MAP3K14: variants seen among roughly 807,000 people sequenced by gnomAD.
The protein encoded by MAP3K14 is NF-kappa-beta-inducing kinase.
MAP3K14 carries 16 observed loss-of-function variants against 99.2 expected under a neutral mutation model. The observed-to-expected ratio is 0.16, with a 90% CI of 0.11 to 0.24. MAP3K14 has a LOEUF of 0.24. MAP3K14 is among the 10% of genes least tolerant of loss of function. MAP3K14 has a pLI of 1.00. For synonymous variants in MAP3K14, 462 were observed against 492.4 expected, an observed-to-expected ratio of 0.94 and a Z score of 0.82; for missense variants, 784 against 1,208.7, an observed-to-expected ratio of 0.65 and a Z score of 5.21.
At position 45,273,754 on chromosome 17, in the gene MAP3K14, C is replaced by T. The variant is rs753782232; in HGVS notation, c.1553-147G>A. The T allele has an allele frequency of 2.8e-5, 20 of 717,812 alleles. No homozygotes were observed. The Admixed American group carries it at 3.0e-4, about 11-fold the overall frequency. The allele number at this position is 717,812 out of a possible 1,614,324, so 44.5% of individuals were successfully genotyped here. A position where few individuals can be genotyped will look rare whatever the true frequency, so the allele number is the denominator to read the frequency against. On this transcript the variant is annotated intron_variant, in intron 8 of 15. Transcript: ENST00000344686. ...GCTGCTTCTGATTAGTTTCATTAATCGTGGAGGAAGGGAGGAGGGTATCAA... is the reference window on the plus strand; with the variant it reads ...GCTGCTTCTGATTAGTTTCATTAATTGTGGAGGAAGGGAGGAGGGTATCAA...
At chr17:45,270,614 AC>A (rs35679568) in intron 10 of MAP3K14, 51 bp from the exon 11 acceptor site, 1 of 1,496,182 alleles carries the variant, frequency 6.7e-7, no homozygotes, top group Non-Finnish European at 8.9e-7. Context: ...ATTTCCTGAT[AC>A]CCGGCTGTTA....
At chr17:45,283,652 G>C (rs966706656) in intron 6 of MAP3K14, among the ~76,000 whole-genome samples, 1 of 152,206 alleles carries the variant, frequency 6.6e-6, no homozygotes, top group Non-Finnish European at 1.5e-5. Flanking sequence ...TCCTGTGTCA[G>C]GTTGGTGCTC....
At chr17:45,273,422 T>G in intron 9 of MAP3K14, 81 bp downstream of exon 9, 2 of 1,108,722 alleles carry the variant, frequency 1.8e-6, no homozygotes, top group South Asian at 2.8e-5. Flanking sequence ...TGTTCACACC[T>G]CAATTCCCAT....
In MAP3K14 at chr17:45,267,789, G is replaced by A; in HGVS notation, c.1973-30C>T. The A allele has an allele frequency of 6.3e-7, 1 of 1,575,166 alleles. No individual in the cohort carries two copies. The highest frequency in any genetic ancestry group is 1.1e-5 in the South Asian group (1 of 89,626). ...AAAACAGAGAGTACAATGGTGAGGG[G>A]AAGCGTGCTGTGCACAGACAGCGGT... On this transcript the variant is annotated intron_variant, in intron 11 of 15. Coordinates refer to ENST00000344686, the MANE Select transcript of MAP3K14 (RefSeq NM_003954.5). The surrounding 1 kb of genome is among the most constrained non-coding windows in gnomAD (Gnocchi z 5.1).
intron 1 of MAP3K14, among the ~76,000 whole-genome samples, chr17:45,313,936 G>T (rs1283521727): frequency 1.3e-5 from 2 of 152,124 alleles, no homozygotes; most frequent in African/African-American, 4.8e-5. Flanking sequence ...TCTGATCTTT[G>T]TCCCTGCCCT....
At chr17:45,290,127 G>C (rs993288159) in intron 2 of MAP3K14, among the ~76,000 whole-genome samples, 1 of 152,180 alleles carries the variant, frequency 6.6e-6, no homozygotes, top group African/African-American at 2.4e-5. Flanking sequence ...GCCCCAGTGG[G>C]GCTTTCCAGG....
intron 9 of MAP3K14, among the ~76,000 whole-genome samples, chr17:45,271,684 G>A (rs1423157996): frequency 6.6e-6 from 1 of 152,190 alleles, no homozygotes; most frequent in East Asian, 1.9e-4. Context: ...AAGTCTCCAA[G>A]TCAGACTTGT....
intron 1 of MAP3K14, among the ~76,000 whole-genome samples, chr17:45,307,391 A>G (rs1428224922): frequency 6.6e-6 from 1 of 152,196 alleles, no homozygotes; most frequent in African/African-American, 2.4e-5. Flanking sequence ...GCCACTTAAC[A>G]TGACCAATTT....
At chr17:45,273,662 C>T in intron 8 of MAP3K14, 55 bp from the exon 9 acceptor site, 1 of 1,403,002 alleles carries the variant, frequency 7.1e-7, no homozygotes, top group Non-Finnish European at 1.0e-6. Context: ...CGGGTCCCAG[C>T]CCACCCTGGC....
chr17:45,312,148 T>C (rs1489667898), intron 1 of MAP3K14, among the ~76,000 whole-genome samples: 3 of 152,212 alleles, frequency 2.0e-5, no homozygotes, highest in Non-Finnish European at 4.4e-5. Flanking sequence ...CACCCCTGCA[T>C]GGGTGACTCA....
Position 45,264,536 on chromosome 17 carries a change from C to G in MAP3K14, c.*100G>C. 7.2e-7 allele frequency: 1 copy of G among 1,395,614 alleles called. No homozygotes were observed. The allele number at this position is 1,395,614 out of a possible 1,614,324, so 86.5% of individuals were successfully genotyped here. A position where few individuals can be genotyped will look rare whatever the true frequency, so the allele number is the denominator to read the frequency against. Reference sequence around the variant, plus strand: ...GTCCCACTGCTGAGCCGGGGGCTGGCAGATCCCTGGGAACGGCTGAGCCTG... The same window carrying G: ...GTCCCACTGCTGAGCCGGGGGCTGGGAGATCCCTGGGAACGGCTGAGCCTG... On this transcript the variant is annotated 3_prime_UTR_variant, in exon 16 of 16. Transcript: ENST00000344686.
chr17:45,267,306 C>A lies in MAP3K14; in HGVS notation c.2326+100G>T. The A allele has an allele frequency of 7.0e-7, 1 of 1,433,460 alleles. No individual in the cohort carries two copies. The highest frequency in any genetic ancestry group is 2.0e-5 in the Admixed American group (1 of 50,182). The allele number at this position is 1,433,460 out of a possible 1,614,324, so 88.8% of individuals were successfully genotyped here. A position where few individuals can be genotyped will look rare whatever the true frequency, so the allele number is the denominator to read the frequency against. On this transcript the variant is annotated intron_variant, in intron 12 of 15. Transcript: ENST00000344686. This position sits in a 1 kb window ranked among gnomAD's most constrained non-coding sequence, Gnocchi z 5.1. ...AGAAGCTGAGCTGCTGGGGAAGGGG[C>A]TGGAAGAAAGCCCACACCGCAGGTA...
At chr17:45,288,305 A>G (rs1270078668) in intron 3 of MAP3K14, among the ~76,000 whole-genome samples, 1 of 151,814 alleles carries the variant, frequency 6.6e-6, no homozygotes, top group African/African-American at 2.4e-5. Context: ...TCTTATCACT[A>G]GCAGGTTCCA....
At chr17:45,265,061 A>T in intron 15 of MAP3K14, 102 bp downstream of exon 15, 1 of 996,728 alleles carries the variant, frequency 1.0e-6, no homozygotes. Context: ...AGTATTCCCT[A>T]GAGTGCCATT....
intron 6 of MAP3K14, among the ~76,000 whole-genome samples, 169 bp downstream of exon 6, chr17:45,284,643 G>A (rs2044249726): frequency 6.6e-6 from 1 of 152,208 alleles, no homozygotes; most frequent in Non-Finnish European, 1.5e-5. Flanking sequence ...CACGTGACAG[G>A]CTGCTCCCTT....
intron 5 of MAP3K14, among the ~76,000 whole-genome samples, chr17:45,285,353 TG>T (rs1475751579): frequency 9.9e-5 from 15 of 151,976 alleles, no homozygotes; most frequent in African/African-American, 4.8e-5. Flanking sequence ...GGGCCAGGCA[TG>T]GTGGCTCACG....
At chr17:45,273,308 G>A (rs983831108) in intron 9 of MAP3K14, among the ~76,000 whole-genome samples, 195 bp downstream of exon 9, 2 of 152,116 alleles carry the variant, frequency 1.3e-5, no homozygotes, top group Admixed American at 1.3e-4. Flanking sequence ...CAGGAGCATC[G>A]ACAATGAGCA....
rs367755326 is a variant in MAP3K14, at chr17:45,265,945, T to C, written c.2578+592A>G. On this transcript the variant is annotated intron_variant, in intron 14 of 15. Transcript: ENST00000344686. Reference sequence around the variant, plus strand: ...ACACAAGGATTCTTAAATTAGATTATGGGCAATTTAGATTGTTGCCTGAGT... The same window carrying C: ...ACACAAGGATTCTTAAATTAGATTACGGGCAATTTAGATTGTTGCCTGAGT... Among the ~76,000 whole-genome samples the C allele has an allele frequency of 1.8e-4, 27 of 152,244 alleles. 1 individual carries two copies. In the East Asian group the frequency reaches 2.1e-3, roughly 12 times the overall value.
intron 2 of MAP3K14, among the ~76,000 whole-genome samples, chr17:45,289,807 C>T (rs1175630363): frequency 3.3e-5 from 5 of 152,152 alleles, no homozygotes; most frequent in African/African-American, 7.2e-5. Flanking sequence ...AGGATGTATG[C>T]GTGTGGAGAA....
Sources: allele counts gnomAD v4.1 joint callset (sites outside exome capture counted in the v4.1 genomes callset), GRCh38; gene constraint gnomAD v4.1.1; non-coding constraint Gnocchi (gnomAD v3.1); transcripts MANE v1.5; gene names NCBI Gene and HGNC (gene_info 2026-07-23, HGNC 2026-07-21).